FOXN3: variants seen among roughly 807,000 people sequenced by gnomAD.
FOXN3 encodes the protein forkhead box protein N3.
Under a neutral mutation model 38.4 loss-of-function variants are expected in FOXN3, and 7 were observed. The ratio of observed to expected loss-of-function variants is 0.18; its 90% CI spans 0.10 to 0.34. The LOEUF is 0.34. Among genes scored for constraint, FOXN3 ranks in the 10% least tolerant of loss-of-function variants. FOXN3 has a pLI of 1.00. For synonymous variants in FOXN3, 230 were observed against 242.2 expected (o/e 0.95, Z 0.47); for missense variants, 456 against 613.4 (o/e 0.74, Z 2.71).
chr14:89,333,747 A>AT (rs1555418763), intron 3 of FOXN3, among the ~76,000 whole-genome samples: 38,213 of 75,270 alleles, frequency 0.51, 10,432 homozygotes, highest in East Asian at 0.6. Flanking sequence ...CAGAGAGACT[A>AT]TTAAAAAAAA....
chr14:89,263,750 CCAAA>C (rs1885880000), intron 4 of FOXN3: 1 of 152,086 alleles, frequency 6.6e-6, no homozygotes, highest in South Asian at 2.1e-4. Flanking sequence ...GTGAATTTTC[CCAAA>C]CAATTTACCA....
At chr14:89,316,522 C>CTT (rs11337389) in intron 3 of FOXN3, among the ~76,000 whole-genome samples, 1 of 143,798 alleles carries the variant, frequency 7.0e-6, no homozygotes, top group East Asian at 2.0e-4. Flanking sequence ...TGTCCAACTA[C>CTT]TTTTTTTTTT....
intron 1 of FOXN3, among the ~76,000 whole-genome samples, chr14:89,596,140 TATTG>T (rs1331504573): frequency 1.3e-5 from 2 of 152,134 alleles, no homozygotes; most frequent in Admixed American, 6.6e-5. Context: ...ACAGATATTT[TATTG>T]ATTGATTGAT....
chr14:89,379,507 G>GC (rs369258473), intron 2 of FOXN3, among the ~76,000 whole-genome samples: 151 of 152,258 alleles, frequency 9.9e-4, no homozygotes, highest in African/African-American at 3.4e-3. Flanking sequence ...CCAGACCTTG[G>GC]CAAGTGTGCC....
At chr14:89,328,117 G>A (rs1888129481) in intron 3 of FOXN3, among the ~76,000 whole-genome samples, 1 of 152,236 alleles carries the variant, frequency 6.6e-6, no homozygotes, top group Admixed American at 6.5e-5. Context: ...CTTTTGTACA[G>A]ATGACCGAAA....
chr14:89,386,422 G>A (rs1015038078), intron 2 of FOXN3, among the ~76,000 whole-genome samples: 1 of 152,210 alleles, frequency 6.6e-6, no homozygotes, highest in Non-Finnish European at 1.5e-5. Context: ...CACAACTGCA[G>A]GAGGTGCCAT....
chr14:89,350,106 G>T (rs768558196), intron 3 of FOXN3, among the ~76,000 whole-genome samples: 16 of 152,084 alleles, frequency 1.1e-4, no homozygotes, highest in Non-Finnish European at 1.8e-4. Flanking sequence ...TGTAAAAATG[G>T]TACCCATGAC....
At chr14:89,461,931 G>A (rs976048533) in intron 1 of FOXN3, among the ~76,000 whole-genome samples, 18 of 152,288 alleles carry the variant, frequency 1.2e-4, no homozygotes, top group African/African-American at 3.6e-4. Flanking sequence ...GGGCACAGGG[G>A]GTCTTGGCAG....
chr14:89,379,620 T>C (rs1890582460), intron 2 of FOXN3, among the ~76,000 whole-genome samples: 2 of 152,008 alleles, frequency 1.3e-5, no homozygotes, highest in South Asian at 4.1e-4. Flanking sequence ...CTCAATTCAT[T>C]TTATTTTATT....
At chr14:89,215,212 T>TG (rs397792101) in intron 4 of FOXN3, among the ~76,000 whole-genome samples, 19 of 151,602 alleles carry the variant, frequency 1.3e-4, no homozygotes, top group African/African-American at 2.2e-4. Context: ...TTTTTTTTTT[T>TG]GTCTGGGTTA....
At chr14:89,426,949 G>A (rs1892044751) in intron 1 of FOXN3, among the ~76,000 whole-genome samples, 1 of 142,958 alleles carries the variant, frequency 7.0e-6, no homozygotes, top group Non-Finnish European at 1.5e-5. Context: ...TAGAAGAGGA[G>A]GGCCGGGCGC....
intron 4 of FOXN3, among the ~76,000 whole-genome samples, chr14:89,211,982 A>T (rs1324684375): frequency 6.6e-6 from 1 of 152,128 alleles, no homozygotes; most frequent in Non-Finnish European, 1.5e-5. Context: ...TCGTGGCCCT[A>T]TAAGAGTAGC....
At chr14:89,416,242 G>C (rs76393546) in intron 1 of FOXN3, among the ~76,000 whole-genome samples, 1,638 of 152,310 alleles carry the variant, frequency 0.011, 39 homozygotes, top group African/African-American at 0.037. Context: ...CGGCGTTGCC[G>C]GGCAACGGGG....
chr14:89,347,184 G>C (rs915102666), intron 3 of FOXN3, among the ~76,000 whole-genome samples: 1 of 152,158 alleles, frequency 6.6e-6, no homozygotes, highest in Non-Finnish European at 1.5e-5. Context: ...TTTGGGAACA[G>C]GGCCATTGAA....
chr14:89,318,518 C>T (rs1428023990), intron 3 of FOXN3, among the ~76,000 whole-genome samples: 1 of 152,160 alleles, frequency 6.6e-6, no homozygotes, highest in East Asian at 1.9e-4. Context: ...TACAGCCAGG[C>T]ACAATACAGG....
intron 4 of FOXN3, among the ~76,000 whole-genome samples, chr14:89,192,509 CTATA>C (rs1229567167): frequency 7.2e-6 from 1 of 138,274 alleles, no homozygotes; most frequent in South Asian, 2.3e-4. Context: ...ATTTTATAAA[CTATA>C]TATTAGTTTA....
chr14:89,291,934 T>C (rs928206334), intron 3 of FOXN3, among the ~76,000 whole-genome samples: 1 of 152,132 alleles, frequency 6.6e-6, no homozygotes, highest in African/African-American at 2.4e-5. Flanking sequence ...CAACCAAAAA[T>C]GTTTCCAGTT....
chr14:89,428,827 G>A (rs1201801744), intron 1 of FOXN3, among the ~76,000 whole-genome samples: 1 of 152,246 alleles, frequency 6.6e-6, no homozygotes, highest in Admixed American at 6.5e-5. Flanking sequence ...GAGGCTACCT[G>A]AGGACCAAGG....
chr14:89,191,243 A>G (rs1054162953), intron 4 of FOXN3, among the ~76,000 whole-genome samples: 2 of 152,244 alleles, frequency 1.3e-5, no homozygotes, highest in Admixed American at 1.3e-4. Context: ...CTCTGCTGCT[A>G]TGGAAATGAA....
Sources: allele counts gnomAD v4.1 joint callset (sites outside exome capture counted in the v4.1 genomes callset), GRCh38; gene constraint gnomAD v4.1.1; transcripts MANE v1.5; gene names NCBI Gene and HGNC (gene_info 2026-07-23, HGNC 2026-07-21).